KIAA1210: variants seen among roughly 807,000 people sequenced by gnomAD.
KIAA1210 encodes KIAA1210, also known as acrosomal protein KIAA1210.
In KIAA1210, 48 loss-of-function variants were observed where a neutral mutation model predicts 78.9. The ratio of observed to expected loss-of-function variants is 0.61; its 90% CI spans 0.48 to 0.77. KIAA1210 has a LOEUF of 0.77. Ranked by LOEUF, KIAA1210 falls within the 30% of genes least tolerant of loss-of-function variation. The pLI, the probability that KIAA1210 is intolerant of heterozygous loss-of-function variation, is 0.00. For synonymous variants in KIAA1210, 406 were observed against 404.5 expected, an observed-to-expected ratio of 1.00 and a Z score of -0.04; for missense variants, 1,108 against 1,100.0, an observed-to-expected ratio of 1.01 and a Z score of -0.10.
In KIAA1210 at chrX:119,113,056, C is replaced by A. The variant is rs182112584; in HGVS notation, c.230+3440G>T. Among the ~76,000 whole-genome samples, 164 of 111,526 alleles carry A rather than the reference C, an allele frequency of 1.5e-3. 1 individual carries two copies. The highest frequency in any genetic ancestry group is 4.9e-3 in the African/African-American group (150 of 30,715). ...CTACAACATGAATGAACCTTGAAAACATTATAATGAGTACAAGAAGTCAAT... is the reference window on the plus strand; with the variant it reads ...CTACAACATGAATGAACCTTGAAAAAATTATAATGAGTACAAGAAGTCAAT... On this transcript the variant is annotated intron_variant, in intron 3 of 11. Coordinates refer to ENST00000691062, the MANE Select transcript of KIAA1210 (RefSeq NM_001394962.1).
At position 119,105,057 on chromosome X, in the gene KIAA1210, C is replaced by T. The variant is rs771562643; in HGVS notation, c.583G>A (p.Asp195Asn). The change falls in exon 6 of 12, where the codon GAT becomes AAT. Residue 195 changes from aspartate to asparagine, a missense_variant. Asp to Asn is a conservative substitution (Grantham distance 23). Transcript: ENST00000691062. The part of the protein sequence containing the change: ...ISKNLVEISL[D>N]DESPKNPQKK... ...TGTGGATTCTTAGGTGACTCATCAT[C>T]GAGAGAGATTTCTACCAAGTTCTTA... The T allele has an allele frequency of 3.3e-6, 4 of 1,207,273 alleles. No homozygotes were observed. The highest frequency in any genetic ancestry group is 5.9e-5 in the East Asian group (2 of 33,710).
Position 119,108,541 on chromosome X carries a change from C to A in KIAA1210, c.358-70G>T. 4 of 1,121,515 alleles carry A rather than the reference C, an allele frequency of 3.6e-6. No homozygotes were observed. The South Asian group carries it at 8.6e-5, about 24-fold the overall frequency. 92.4% of individuals were successfully genotyped at this position (1,121,515 alleles called of 1,213,427 possible). On this transcript the variant is annotated intron_variant, in intron 4 of 11. Transcript: ENST00000691062. Reference sequence around the variant, plus strand: ...CACATAAACAGTGGAATGTTGCTGCCAAAATAATTATTCTTATGGTGTGTT... The same window carrying A: ...CACATAAACAGTGGAATGTTGCTGCAAAAATAATTATTCTTATGGTGTGTT...
chrX:119,135,008 G>C (rs764005072), intron 2 of KIAA1210, among the ~76,000 whole-genome samples: 8 of 112,692 alleles, frequency 7.1e-5, no homozygotes, highest in Non-Finnish European at 1.5e-4. Flanking sequence ...GTCCTCACAA[G>C]AGTTCTATGT....
At chrX:119,081,582 T>C in intron 11 of KIAA1210, 78 bp from the exon 12 acceptor site, 1 of 973,793 alleles carries the variant, frequency 1.0e-6, no homozygotes, top group Non-Finnish European at 1.4e-6. Context: ...GAATGCCATA[T>C]AATGTTTCCT....
At chrX:119,123,249 C>A (rs1207550980) in intron 2 of KIAA1210, among the ~76,000 whole-genome samples, 1 of 112,189 alleles carries the variant, frequency 8.9e-6, no homozygotes, top group African/African-American at 3.2e-5. Context: ...AAATTAATCT[C>A]TTTCTTAGAT....
chrX:119,114,517 G>A (rs1485878879), intron 3 of KIAA1210, among the ~76,000 whole-genome samples: 1 of 112,053 alleles, frequency 8.9e-6, no homozygotes, highest in South Asian at 3.8e-4. Flanking sequence ...CTATATACAC[G>A]CATACGCTCA....
Position 119,127,764 on chromosome X carries a change from C to T in KIAA1210, c.-48G>A, listed in dbSNP as rs1306974215. 8.9e-6 allele frequency among the ~76,000 whole-genome samples: 1 copy of T among 112,286 alleles called. No homozygotes were observed. Among genetic ancestry groups the T allele is most frequent in the Non-Finnish European group, 1.9e-5 (1 of 53,324 alleles). The stretch of plus-strand genomic sequence containing the variant: ...CTCACTTTCTATTCTCGTGAGCTCT[C>T]CAATCAGGCTTCCAAACTGAACTGC... On this transcript the variant is annotated 5_prime_UTR_variant, in exon 1 of 12. Transcript: ENST00000691062.
chrX:119,084,577 C>T (rs947221727), intron 10 of KIAA1210, among the ~76,000 whole-genome samples: 9 of 110,095 alleles, frequency 8.2e-5, no homozygotes, highest in African/African-American at 2.7e-4. Context: ...TATGAGGATG[C>T]AAAGGCATAA....
At chrX:119,086,428 C>T in intron 9 of KIAA1210, 118 bp downstream of exon 9, 1 of 702,733 alleles carries the variant, frequency 1.4e-6, no homozygotes, top group Non-Finnish European at 2.1e-6. Flanking sequence ...TAAACCAGCC[C>T]TATCAAAGCC....
intron 2 of KIAA1210, among the ~76,000 whole-genome samples, chrX:119,138,843 C>T (rs1928982150): frequency 9.0e-6 from 1 of 111,677 alleles, no homozygotes; most frequent in African/African-American, 3.3e-5. Flanking sequence ...TAGCATCTGT[C>T]CTCACAGTGC....
intron 2 of KIAA1210, among the ~76,000 whole-genome samples, chrX:119,146,904 A>AT (rs1929180613): frequency 9.0e-6 from 1 of 111,121 alleles, no homozygotes. Flanking sequence ...AAGAAAAAAA[A>AT]AACAGGAAAG....
In KIAA1210 at chrX:119,109,127, T is replaced by C; in HGVS notation, c.306A>G (p.Ser102=). The change falls in exon 4 of 12, where the codon TCA becomes TCG. Residue 102 remains serine (S), a synonymous_variant. Coordinates refer to ENST00000691062, the MANE Select transcript of KIAA1210 (RefSeq NM_001394962.1). The part of the protein sequence containing the change: ...IFMLGPEPER[S]ASKMFPSMDP... Reference sequence around the variant, plus strand: ...CCATAGAAGGAAACATTTTACTTGCTGATCTTTCAGGCTCAGGACCCAACA... The same window carrying C: ...CCATAGAAGGAAACATTTTACTTGCCGATCTTTCAGGCTCAGGACCCAACA... 1 of 1,209,096 alleles carries C rather than the reference T, an allele frequency of 8.3e-7. No homozygotes were observed. The highest frequency in any genetic ancestry group is 1.1e-6 in the Non-Finnish European group (1 of 893,516).
intron 3 of KIAA1210, among the ~76,000 whole-genome samples, chrX:119,115,612 C>G (rs913538421): frequency 1.8e-5 from 2 of 112,113 alleles, no homozygotes; most frequent in African/African-American, 6.5e-5. Context: ...TATAACATGT[C>G]AGCTAACTGC....
rs765863796 is a variant in KIAA1210 at position 119,093,719 on chromosome X, G to T, written c.903C>A (p.Ser301Arg). The change falls in exon 8 of 12, where the codon AGC (serine) becomes AGA (arginine). Residue 301 changes from serine to arginine, a missense_variant. Ser to Arg is a moderately radical substitution (Grantham distance 110, BLOSUM62 -1). Transcript: ENST00000691062. ...NLPLVSEEEK[S>R]ITKPKEINEK... is the part of the protein sequence containing the mutation. Reference sequence around the variant, plus strand: ...CGTTGATTTCTTTTGGTTTGGTTATGCTCTTTTCTTCTTCAGAAACCAATG... The same window carrying T: ...CGTTGATTTCTTTTGGTTTGGTTATTCTCTTTTCTTCTTCAGAAACCAATG... The T allele has an allele frequency of 6.6e-6, 8 of 1,210,076 alleles. No homozygotes were observed. The East Asian group carries it at 2.4e-4, about 36-fold the overall frequency.
chrX:119,106,180 A>G (rs1286810926), intron 5 of KIAA1210, among the ~76,000 whole-genome samples: 2 of 111,478 alleles, frequency 1.8e-5, no homozygotes, highest in East Asian at 5.6e-4. Flanking sequence ...GAGAGGCCAT[A>G]TCAACCAATT....
chrX:119,149,947 T>C (rs1245079473), intron 1 of KIAA1210, among the ~76,000 whole-genome samples: 1 of 111,753 alleles, frequency 8.9e-6, no homozygotes, highest in Non-Finnish European at 1.9e-5. Context: ...AGATCATTTA[T>C]TGTCAGTCAT....
Sources: gnomAD v4.1 joint callset for allele counts (sites outside exome capture counted in the v4.1 genomes callset) on GRCh38, gnomAD v4.1.1 for gene constraint, MANE v1.5 for transcripts, NCBI Gene and HGNC (gene_info 2026-07-23, HGNC 2026-07-21) for gene names.